The following NKAIN2 variants were observed in gnomAD, a reference collection of about 807,000 sequenced individuals.
NKAIN2 encodes sodium/potassium-transporting ATPase subunit beta-1-interacting protein 2.
A neutral mutation model predicts 32.6 loss-of-function variants in NKAIN2; 14 were observed. The ratio of observed to expected loss-of-function variants is 0.43; its 90% CI spans 0.28 to 0.67. The LOEUF is 0.67. NKAIN2 is among the 30% of genes least tolerant of loss of function. NKAIN2 has a pLI of 0.17. For synonymous variants in NKAIN2, 80 were observed against 87.2 expected (o/e 0.92, Z 0.46); for missense variants, 198 against 258.3 (o/e 0.77, Z 1.60).
chr6:123,875,608 CA>C (rs1190738970), intron 1 of NKAIN2, among the ~76,000 whole-genome samples: 8 of 151,886 alleles, frequency 5.3e-5, no homozygotes, highest in Admixed American at 2.6e-4. Flanking sequence ...AAATTTTTTA[CA>C]AAACGTTATT....
At chr6:124,201,840 A>G (rs1790608403) in intron 1 of NKAIN2, among the ~76,000 whole-genome samples, 2 of 152,172 alleles carry the variant, frequency 1.3e-5, no homozygotes, top group South Asian at 4.1e-4. Flanking sequence ...TTAAAAGTGT[A>G]TTGTTTTATC....
At chr6:123,915,784 A>G (rs532185272) in intron 1 of NKAIN2, among the ~76,000 whole-genome samples, 3 of 152,254 alleles carry the variant, frequency 2.0e-5, no homozygotes, top group South Asian at 4.1e-4. Flanking sequence ...AAAAGTTTAG[A>G]GCTGTATATT....
intron 3 of NKAIN2, among the ~76,000 whole-genome samples, chr6:124,484,536 G>T (rs554083366): frequency 1.2e-4 from 19 of 152,078 alleles, no homozygotes; most frequent in Non-Finnish European, 2.5e-4. Context: ...ACTCTTATAT[G>T]ATTCAGGATC....
intron 3 of NKAIN2, among the ~76,000 whole-genome samples, chr6:124,357,283 G>C (rs1799029093): frequency 6.6e-6 from 1 of 151,990 alleles, no homozygotes; most frequent in Non-Finnish European, 1.5e-5. Context: ...TCGTTATATA[G>C]TTATCTGTAC....
chr6:124,363,104 G>A (rs1799364288), intron 3 of NKAIN2, among the ~76,000 whole-genome samples: 1 of 151,998 alleles, frequency 6.6e-6, no homozygotes, highest in Non-Finnish European at 1.5e-5. Context: ...CAAAGTGTTG[G>A]GATTACAGGC....
chr6:124,685,984 G>C (rs912502512), intron 4 of NKAIN2, among the ~76,000 whole-genome samples: 4 of 152,298 alleles, frequency 2.6e-5, no homozygotes, highest in Admixed American at 2.6e-4. Flanking sequence ...GGCCAGGGCT[G>C]TGTTCTCAGC....
Position 124,155,168 on chromosome 6 carries a change from A to G in NKAIN2, c.55-127837A>G, listed in dbSNP as rs1475063450. The stretch of plus-strand genomic sequence containing the variant: ...TAGTTATCCCAACATCAAGCATGGT[A>G]TCTGGATGATTGCTTTAAAAATGTT... On this transcript the variant is annotated intron_variant, in intron 1 of 6. Transcript: ENST00000368417. 3.9e-5 allele frequency among the ~76,000 whole-genome samples: 6 copies of G among 152,252 alleles called. No individual in the cohort carries two copies. The East Asian group carries it at 9.6e-4, about 24-fold the overall frequency.
intron 4 of NKAIN2, among the ~76,000 whole-genome samples, chr6:124,660,091 T>A (rs1562310883): frequency 6.6e-6 from 1 of 152,158 alleles, no homozygotes; most frequent in Non-Finnish European, 1.5e-5. Flanking sequence ...CATTATCACA[T>A]GAGAAAAGTG....
chr6:124,026,146 T>G (rs910107967), intron 1 of NKAIN2, among the ~76,000 whole-genome samples: 1 of 152,186 alleles, frequency 6.6e-6, no homozygotes, highest in African/African-American at 2.4e-5. Flanking sequence ...TTAGCATAAA[T>G]GTACAGTTTG....
chr6:123,876,371 G>GC (rs1226392887), intron 1 of NKAIN2, among the ~76,000 whole-genome samples: 1 of 152,062 alleles, frequency 6.6e-6, no homozygotes, highest in East Asian at 1.9e-4. Context: ...AACCAGCTTT[G>GC]CATATACATA....
chr6:124,035,435 G>A (rs1781569260), intron 1 of NKAIN2, among the ~76,000 whole-genome samples: 1 of 152,042 alleles, frequency 6.6e-6, no homozygotes, highest in Non-Finnish European at 1.5e-5. Flanking sequence ...ATCCTCATCT[G>A]ATCCTGGAAT....
At chr6:124,615,423 C>G in intron 3 of NKAIN2, among the ~76,000 whole-genome samples, 1 of 152,148 alleles carries the variant, frequency 6.6e-6, no homozygotes, top group East Asian at 1.9e-4. Context: ...TAACAGAATC[C>G]TGAGTCTCTA....
chr6:124,554,476 C>T (rs544185763), intron 3 of NKAIN2, among the ~76,000 whole-genome samples: 6 of 152,312 alleles, frequency 3.9e-5, no homozygotes, highest in Admixed American at 3.9e-4. Flanking sequence ...AGCCTGGCTG[C>T]GTGCAGCAGC....
At chr6:124,450,925 C>A (rs1776080156) in intron 3 of NKAIN2, among the ~76,000 whole-genome samples, 1 of 151,910 alleles carries the variant, frequency 6.6e-6, no homozygotes, top group Admixed American at 6.6e-5. Flanking sequence ...ATTGCTTAAG[C>A]TACCTAGGGA....
chr6:124,433,694 C>T (rs756069414), intron 3 of NKAIN2, among the ~76,000 whole-genome samples: 3 of 152,074 alleles, frequency 2.0e-5, no homozygotes, highest in Admixed American at 6.6e-5. Flanking sequence ...CCAGGTGAAT[C>T]GGCACTATTA....
Position 124,609,177 on chromosome 6 carries a change from A to G in NKAIN2, c.274-49009A>G, listed in dbSNP as rs115951297. Among the ~76,000 whole-genome samples the G allele has an allele frequency of 2.5e-3, 374 of 152,250 alleles. 2 individuals are homozygous for G. Among genetic ancestry groups the G allele is most frequent in the African/African-American group, 8.7e-3 (360 of 41,554 alleles). ...TGCAAACAATGCTCCTAGTTACCTG[A>G]CCAATATTTCCCCTCAATGTAAATG... On this transcript the variant is annotated intron_variant, in intron 3 of 6. Transcript: ENST00000368417.
At chr6:123,843,193 G>A (rs928262660) in intron 1 of NKAIN2, among the ~76,000 whole-genome samples, 2 of 152,158 alleles carry the variant, frequency 1.3e-5, no homozygotes, top group East Asian at 3.9e-4. Flanking sequence ...GACTTTTTGG[G>A]TTCCCGCACC....
intron 5 of NKAIN2, among the ~76,000 whole-genome samples, chr6:124,816,970 G>A (rs894208040): frequency 1.3e-5 from 2 of 152,142 alleles, no homozygotes; most frequent in African/African-American, 4.8e-5. Context: ...CCAAAACTTA[G>A]TGGTATAAAG....
At chr6:124,562,789 C>T (rs933032901) in intron 3 of NKAIN2, among the ~76,000 whole-genome samples, 15 of 151,980 alleles carry the variant, frequency 9.9e-5, no homozygotes, top group African/African-American at 3.6e-4. Flanking sequence ...ATTTGAATAT[C>T]TACTTGTGCA....
Sources: gnomAD v4.1 joint callset for allele counts (sites outside exome capture counted in the v4.1 genomes callset) on GRCh38, gnomAD v4.1.1 for gene constraint, MANE v1.5 for transcripts, NCBI Gene and HGNC (gene_info 2026-07-23, HGNC 2026-07-21) for gene names.